The following HSD17B14 variants were observed in gnomAD, a reference collection of about 807,000 sequenced individuals.
HSD17B14 encodes hydroxysteroid 17-beta dehydrogenase 14, also known as L-fucose dehydrogenase.
A neutral mutation model predicts 32.2 loss-of-function variants in HSD17B14; 32 were observed. The observed-to-expected ratio is 0.99, with a 90% CI of 0.75 to 1.33. HSD17B14 has a LOEUF of 1.33. HSD17B14 is among the 40% of genes most tolerant of loss of function. HSD17B14 has a pLI of 0.00. For missense variants in HSD17B14, 370 were observed against 366.5 expected, an observed-to-expected ratio of 1.01 and a Z score of -0.08; for synonymous variants, 140 against 155.4, an observed-to-expected ratio of 0.90 and a Z score of 0.74.
chr19:48,813,432 C>T, intron 8 of HSD17B14, 24 bp downstream of exon 8: 1 of 1,586,890 alleles, frequency 6.3e-7, no homozygotes, highest in South Asian at 1.1e-5. Context: ...CCTTCTACCA[C>T]CTGGATCTGA....
At chr19:48,831,798 G>T (rs745558721) in intron 4 of HSD17B14, 39 bp from the exon 5 acceptor site, 2 of 1,221,688 alleles carry the variant, frequency 1.6e-6, no homozygotes, top group Non-Finnish European at 2.4e-6. Context: ...AAGTGACGGG[G>T]GCTGGACACA....
rs1380755584 is a variant in HSD17B14 at position 48,835,808 on chromosome 19, C to T, written c.124G>A (p.Asp42Asn). 2 of 1,613,648 alleles carry T rather than the reference C, an allele frequency of 1.2e-6. No individual in the cohort carries two copies. Among genetic ancestry groups the T allele is most frequent in the Non-Finnish European group, 1.7e-6 (2 of 1,179,728 alleles). ...GGGCTGAGGGACCGTCACTCACCAT[C>T]CTTGTCGCAGATAACCACTCGGGCC... ...SGARVVICDKDESGGRALEQE... is the reference protein window; with the variant it reads ...SGARVVICDKNESGGRALEQE... Residue 42 changes from aspartate to asparagine, a missense_variant, in exon 2 of 9, where the codon GAT becomes AAT. Coordinates refer to ENST00000263278, the MANE Select transcript of HSD17B14 (RefSeq NM_016246.3).
intron 5 of HSD17B14, among the ~76,000 whole-genome samples, chr19:48,827,900 G>A (rs912919814): frequency 6.1e-5 from 9 of 148,684 alleles, no homozygotes; most frequent in African/African-American, 2.2e-4. Flanking sequence ...TATTGCCCAG[G>A]CTGGAGTGCA....
chr19:48,834,748 G>A lies in HSD17B14; in HGVS notation c.128-390C>T, dbSNP rs1229530220. 1.3e-4 allele frequency among the ~76,000 whole-genome samples: 12 copies of A among 95,472 alleles called. No individual in the cohort carries two copies. The South Asian group carries it at 1.6e-3, about 12-fold the overall frequency. 62.6% of individuals were successfully genotyped at this position (95,472 alleles called of 152,430 possible). On this transcript the variant is annotated intron_variant, in intron 2 of 8. Coordinates refer to ENST00000263278, the MANE Select transcript of HSD17B14 (RefSeq NM_016246.3). ...CCTGGGTCTGAGGGAGGAGGGGCTG[G>A]GAGCCTGGACTCCTGGGTCTGAGGG...
chr19:48,819,877 G>A (rs1375493412), intron 5 of HSD17B14, among the ~76,000 whole-genome samples: 1 of 152,218 alleles, frequency 6.6e-6, no homozygotes, highest in Admixed American at 6.5e-5. Flanking sequence ...GCCAGGTGTG[G>A]TGGCTCACGC....
At chr19:48,834,165 G>A (rs1046589069) in intron 3 of HSD17B14, 111 bp downstream of exon 3, 18 of 837,210 alleles carry the variant, frequency 2.2e-5, no homozygotes, top group African/African-American at 1.0e-4. Flanking sequence ...CGAGTCCAGC[G>A]GAGCCAGGAG....
Position 48,835,809 on chromosome 19 carries a change from C to T in HSD17B14, c.123G>A (p.Lys41=), listed in dbSNP as rs199541195. The T allele has an allele frequency of 3.1e-6, 5 of 1,613,532 alleles. No homozygotes were observed. Among genetic ancestry groups the T allele is most frequent in the Non-Finnish European group, 3.4e-6 (4 of 1,179,736 alleles). The change falls in exon 2 of 9, where the codon AAG becomes AAA. Residue 41 remains lysine, a synonymous_variant. Coordinates refer to ENST00000263278, the MANE Select transcript of HSD17B14 (RefSeq NM_016246.3). ...GGCTGAGGGACCGTCACTCACCATC[C>T]TTGTCGCAGATAACCACTCGGGCCC... The part of the protein sequence containing the change: ...NSGARVVICD[K]DESGGRALEQ...
intron 5 of HSD17B14, among the ~76,000 whole-genome samples, chr19:48,826,528 A>AATATATAT (rs1555776984): frequency 0.18 from 4,221 of 23,098 alleles, 508 homozygotes; most frequent in Middle Eastern, 0.27. Context: ...AAAAGAAGAA[A>AATATATAT]ATATATATAT....
intron 4 of HSD17B14, 54 bp from the exon 5 acceptor site, chr19:48,831,813 C>T: frequency 9.6e-7 from 1 of 1,039,472 alleles, no homozygotes; most frequent in Non-Finnish European, 1.5e-6. Flanking sequence ...GACACAGTTG[C>T]CCACGCCTGT....
At chr19:48,834,054 G>T (rs77382652) in intron 3 of HSD17B14, among the ~76,000 whole-genome samples, 3,489 of 152,242 alleles carry the variant, frequency 0.023, 127 homozygotes, top group African/African-American at 0.08. Flanking sequence ...CATGTTAAAT[G>T]TGCTAAGAGC....
At chr19:48,833,509 TG>T (rs1417246760) in intron 3 of HSD17B14, among the ~76,000 whole-genome samples, 5 of 151,896 alleles carry the variant, frequency 3.3e-5, no homozygotes, top group East Asian at 3.9e-4. Context: ...CTGGCCAACA[TG>T]GTGAAACCCT....
In HSD17B14 at chr19:48,813,089, A is replaced by G. The variant is rs1292263360; in HGVS notation, c.*86T>C. On this transcript the variant is annotated 3_prime_UTR_variant, in exon 9 of 9. Transcript: ENST00000263278. ...ACCTTGCTAACTGGGCTTAGAGTCT[A>G]AGGGCTTGGGGGCTGCATCTGATAC... The G allele has an allele frequency of 5.9e-6, 5 of 853,674 alleles. No homozygotes were observed. Among genetic ancestry groups the G allele is most frequent in the Non-Finnish European group, 7.3e-6 (4 of 550,604 alleles). The allele number at this position is 853,674 out of a possible 1,614,324, so 52.9% of individuals were successfully genotyped here.
At chr19:48,819,851 C>A (rs2035116290) in intron 5 of HSD17B14, among the ~76,000 whole-genome samples, 2 of 152,198 alleles carry the variant, frequency 1.3e-5, no homozygotes, top group African/African-American at 4.8e-5. Flanking sequence ...TCTCCAGCAC[C>A]TATAACACTG....
At chr19:48,823,798 C>G (rs2035197725) in intron 5 of HSD17B14, among the ~76,000 whole-genome samples, 1 of 150,992 alleles carries the variant, frequency 6.6e-6, no homozygotes, top group South Asian at 2.1e-4. Flanking sequence ...CCACCCTGCC[C>G]CGCTAATTTT....
At chr19:48,813,813 G>T in intron 6 of HSD17B14, 83 bp from the exon 7 acceptor site, 1 of 1,498,264 alleles carries the variant, frequency 6.7e-7, no homozygotes, top group South Asian at 1.1e-5. Flanking sequence ...CAGCCAGGGG[G>T]GCATCAGAAT....
At chr19:48,815,329 G>A (rs1446316891) in intron 5 of HSD17B14, among the ~76,000 whole-genome samples, 188 bp from the exon 6 acceptor site, 1 of 152,068 alleles carries the variant, frequency 6.6e-6, no homozygotes, top group African/African-American at 2.4e-5. Context: ...GGGTCGCTGG[G>A]TCTCAGCACT....
chr19:48,826,542 T>TATATATATATATATACACAC, intron 5 of HSD17B14, among the ~76,000 whole-genome samples: 10 of 80,094 alleles, frequency 1.2e-4, no homozygotes, highest in African/African-American at 2.6e-4. Context: ...TATATATATA[T>TATATATATATATATACACAC]ACACACACAC....
intron 5 of HSD17B14, among the ~76,000 whole-genome samples, chr19:48,817,834 C>G (rs2035082037): frequency 6.6e-6 from 1 of 152,176 alleles, no homozygotes; most frequent in Admixed American, 6.6e-5. Flanking sequence ...CTCTAACATT[C>G]TCCTGTACCT....
At chr19:48,815,224 T>G in intron 5 of HSD17B14, 83 bp from the exon 6 acceptor site, 4 of 1,041,048 alleles carry the variant, frequency 3.8e-6, no homozygotes, top group Non-Finnish European at 6.0e-6. Context: ...CATCCTGATG[T>G]CTGGGATGAC....
Sources: gnomAD v4.1 joint callset for allele counts (sites outside exome capture counted in the v4.1 genomes callset) on GRCh38, gnomAD v4.1.1 for gene constraint, MANE v1.5 for transcripts, NCBI Gene and HGNC (gene_info 2026-07-23, HGNC 2026-07-21) for gene names.